Variants in ZP3 observed in about 807,000 individuals in gnomAD.
The protein encoded by ZP3 is zona pellucida glycoprotein 3.
A neutral mutation model predicts 35.6 loss-of-function variants in ZP3; 21 were observed. That is an observed-to-expected ratio of 0.59 (90% CI 0.42 to 0.85). ZP3 has a LOEUF of 0.85. Among genes scored for constraint, ZP3 ranks in the 40% least tolerant of loss-of-function variants. The probability of loss-of-function intolerance (pLI) is 0.00; values close to 1 mark genes in which losing one functional copy is unlikely to be tolerated. For missense variants in ZP3, 437 were observed against 536.5 expected, an observed-to-expected ratio of 0.81 and a Z score of 1.83; for synonymous variants, 207 against 214.5, an observed-to-expected ratio of 0.96 and a Z score of 0.31.
chr7:76,424,292 A>G (rs1805589215), upstream of ZP3, among the ~76,000 whole-genome samples: 1 of 152,054 alleles, frequency 6.6e-6, no homozygotes, highest in Non-Finnish European at 1.5e-5. Flanking sequence ...CTCTTTGCAA[A>G]CTTTTACATG....
intron 1 of ZP3, among the ~76,000 whole-genome samples, chr7:76,401,611 T>A (rs960383731): frequency 6.6e-6 from 1 of 152,136 alleles, no homozygotes; most frequent in Non-Finnish European, 1.5e-5. Context: ...GAGATGGGGT[T>A]TCGCCATGTT....
chr7:76,427,549 A>T (rs1805705215), intron 1 of ZP3, among the ~76,000 whole-genome samples: 1 of 149,910 alleles, frequency 6.7e-6, no homozygotes, highest in East Asian at 2.0e-4. Context: ...AGCCATGGCC[A>T]GTTTCCCAGG....
chr7:76,438,536 C>CGGGAAAAAAA (rs1806095690), intron 5 of ZP3, among the ~76,000 whole-genome samples: 1 of 21,834 alleles, frequency 4.6e-5, no homozygotes, highest in African/African-American at 3.6e-4. Flanking sequence ...GACTCCGTCT[C>CGGGAAAAAAA]AGAAAAAAAA....
chr7:76,425,824 G>A (rs1335668443), intron 1 of ZP3, among the ~76,000 whole-genome samples: 1 of 152,012 alleles, frequency 6.6e-6, no homozygotes, highest in Non-Finnish European at 1.5e-5. Context: ...AACTAACTGG[G>A]GCCTGGTGTG....
intron 1 of ZP3, chr7:76,398,927 C>G: frequency 1.2e-6 from 1 of 850,548 alleles, no homozygotes; most frequent in East Asian, 2.5e-5. Context: ...CAAAGAGTCA[C>G]AGCCAGGAAC....
intron 5 of ZP3, among the ~76,000 whole-genome samples, chr7:76,438,150 C>G (rs1212151250): frequency 6.6e-6 from 1 of 152,210 alleles, no homozygotes; most frequent in African/African-American, 2.4e-5. Flanking sequence ...GGAATTTTAG[C>G]CCTGCCTGAA....
chr7:76,400,419 G>T (rs1163664872), intron 1 of ZP3: 1 of 1,605,306 alleles, frequency 6.2e-7, no homozygotes, highest in South Asian at 1.1e-5. Flanking sequence ...CTCGGCCTTG[G>T]CCAAAGGCAA....
At chr7:76,398,730 C>G in intron 1 of ZP3, 1 of 1,613,194 alleles carries the variant, frequency 6.2e-7, no homozygotes, top group Non-Finnish European at 8.5e-7. Flanking sequence ...TTTTTCCATT[C>G]GGCAGTGTCG....
In ZP3 at chr7:76,429,518, A is replaced by G; in HGVS notation, c.316A>G (p.Thr106Ala). ...TAACTTCTCACCTTTCCTCCAGGTA[A>G]CTGACGATGCCCTGGTGTACAGCAC... ...LHECGNSMQVTDDALVYSTFL... is the reference protein window; with the variant it reads ...LHECGNSMQVADDALVYSTFL... The change falls in exon 2 of 8, where the codon ACT becomes GCT. Residue 106 changes from threonine to alanine, a missense_variant. By Grantham distance (58) the Thr-to-Ala change is moderately conservative. Around this residue, in one of 6 missense-constraint regions of ZP3, gnomAD observed 352 missense variants for 308.4 expected, o/e 1.14. Transcript: ENST00000394857. The G allele has an allele frequency of 1.2e-6, 2 of 1,613,966 alleles. No homozygotes were observed. Among genetic ancestry groups the G allele is most frequent in the Non-Finnish European group, 8.5e-7 (1 of 1,179,918 alleles).
At chr7:76,426,769 C>A (rs1336571385) in intron 1 of ZP3, among the ~76,000 whole-genome samples, 1 of 151,618 alleles carries the variant, frequency 6.6e-6, no homozygotes, top group Non-Finnish European at 1.5e-5. Context: ...TGCAATGGCG[C>A]CTATAATCCC....
chr7:76,416,733 A>G (rs1584046616), intron 1 of ZP3, among the ~76,000 whole-genome samples: 2 of 151,706 alleles, frequency 1.3e-5, no homozygotes, highest in Non-Finnish European at 2.9e-5. Context: ...TGCGAGACAC[A>G]GGCTTCAGTG....
intron 5 of ZP3, among the ~76,000 whole-genome samples, chr7:76,438,844 T>TCACTCGGC (rs1806107749): frequency 7.9e-6 from 1 of 125,836 alleles, no homozygotes; most frequent in African/African-American, 3.1e-5. Flanking sequence ...GCCATCAAAC[T>TCACTCGGC]CAAGTCTGGC....
chr7:76,437,379 T>C (rs1173699676), intron 5 of ZP3, among the ~76,000 whole-genome samples: 35 of 152,188 alleles, frequency 2.3e-4, no homozygotes, highest in Non-Finnish European at 4.7e-4. Context: ...TTTCACTATG[T>C]TGGTCAGGCT....
Position 76,419,234 on chromosome 7 carries a change from A to T in ZP3, c.-66-5818A>T, listed in dbSNP as rs1805448744. Reference sequence around the variant, plus strand: ...TTTATGATTTGTGCATTATTTTTGGAGGGTAGGGTCTTATTTAGCAAATAT... The same window carrying T: ...TTTATGATTTGTGCATTATTTTTGGTGGGTAGGGTCTTATTTAGCAAATAT... On this transcript the variant is annotated intron_variant, in intron 1 of 8. Transcript: ENST00000336517. 2.6e-5 allele frequency among the ~76,000 whole-genome samples: 4 copies of T among 152,098 alleles called. No individual in the cohort carries two copies. The South Asian group carries it at 8.3e-4, about 31-fold the overall frequency.
chr7:76,404,092 T>C (rs1369501716), intron 1 of ZP3, among the ~76,000 whole-genome samples: 1 of 152,130 alleles, frequency 6.6e-6, no homozygotes, highest in African/African-American at 2.4e-5. Context: ...TAACTGCCCA[T>C]TCCATGGGTG....
chr7:76,399,136 T>G (rs1020499060), intron 1 of ZP3, among the ~76,000 whole-genome samples: 17 of 152,172 alleles, frequency 1.1e-4, no homozygotes, highest in African/African-American at 4.1e-4. Context: ...CTCAGCCTCC[T>G]GAGTAGCTGG....
At chr7:76,436,121 A>G (rs1467672521) in intron 5 of ZP3, among the ~76,000 whole-genome samples, 25 of 119,122 alleles carry the variant, frequency 2.1e-4, no homozygotes, top group Non-Finnish European at 4.0e-4. Context: ...GCCCAATCTT[A>G]GGTCACTGCA....
rs144871193 is a variant in ZP3 at position 76,429,524 on chromosome 7, G to T, written c.322G>T (p.Asp108Tyr). 3 of 1,613,964 alleles carry T rather than the reference G, an allele frequency of 1.9e-6. No individual in the cohort carries two copies. The highest frequency in any genetic ancestry group is 1.6e-4 in the Middle Eastern group (1 of 6,062). Reference sequence around the variant, plus strand: ...CTCACCTTTCCTCCAGGTAACTGACGATGCCCTGGTGTACAGCACCTTCCT... The same window carrying T: ...CTCACCTTTCCTCCAGGTAACTGACTATGCCCTGGTGTACAGCACCTTCCT... ...ECGNSMQVTD[D>Y]ALVYSTFLLH... Residue 108 changes from aspartate to tyrosine, a missense_variant, in exon 2 of 8, where the codon GAT (aspartate) becomes TAT (tyrosine). This residue lies in a region of ZP3 where 352 missense variants were observed against 308.4 expected (regional missense o/e 1.14). Coordinates refer to ENST00000394857, the MANE Select transcript of ZP3 (RefSeq NM_001110354.2).
intron 2 of ZP3, among the ~76,000 whole-genome samples, chr7:76,431,722 A>T (rs182138048): frequency 0.013 from 1,918 of 151,884 alleles, 48 homozygotes; most frequent in African/African-American, 0.043. Flanking sequence ...ACGTGGTGAA[A>T]CCCCGTCTCT....
Sources: allele counts gnomAD v4.1 joint callset (sites outside exome capture counted in the v4.1 genomes callset), GRCh38; gene constraint gnomAD v4.1.1; regional missense constraint gnomAD v4.1.1; transcripts MANE v1.5; gene names NCBI Gene and HGNC (gene_info 2026-07-23, HGNC 2026-07-21).